Variants in FOXP2 observed in about 807,000 individuals in gnomAD.
FOXP2 encodes the protein forkhead box P2.
FOXP2 carries 12 observed loss-of-function variants against 115.8 expected under a neutral mutation model. The observed-to-expected ratio is 0.10, with a 90% confidence interval of 0.07 to 0.17. The LOEUF (loss-of-function observed/expected upper bound fraction) is 0.17, where lower values mean the gene tolerates loss of function less well. FOXP2 is among the 10% of genes least tolerant of loss of function. The pLI is 1.00. For missense variants in FOXP2, 629 were observed against 843.5 expected, an observed-to-expected ratio of 0.75 and a Z score of 3.15; for synonymous variants, 328 against 297.7, an observed-to-expected ratio of 1.10 and a Z score of -1.05.
At chr7:114,406,824 C>G (rs1489003100) in intron 2 of FOXP2, among the ~76,000 whole-genome samples, 2 of 151,990 alleles carry the variant, frequency 1.3e-5, no homozygotes, top group African/African-American at 4.8e-5. Flanking sequence ...CTCCCTCTCT[C>G]CCTAGCCTAA....
intron 16 of FOXP2, among the ~76,000 whole-genome samples, chr7:114,688,410 A>C (rs1226127522): frequency 6.6e-6 from 1 of 152,176 alleles, no homozygotes; most frequent in Non-Finnish European, 1.5e-5. Context: ...TTTGCAATGA[A>C]TATTAAAGCA....
intron 2 of FOXP2, among the ~76,000 whole-genome samples, chr7:114,342,678 T>G (rs1278158553): frequency 6.6e-6 from 1 of 151,468 alleles, no homozygotes; most frequent in Non-Finnish European, 1.5e-5. Flanking sequence ...TTCTGTCCAC[T>G]GTGGTTATTC....
chr7:114,161,430 G>A (rs953858292), upstream of FOXP2, among the ~76,000 whole-genome samples: 1 of 152,072 alleles, frequency 6.6e-6, no homozygotes, highest in African/African-American at 2.4e-5. Context: ...TCAGATAGAT[G>A]ATGGTTTAAA....
chr7:114,091,613 A>G (rs576024772), intron 1 of FOXP2, among the ~76,000 whole-genome samples: 3 of 151,976 alleles, frequency 2.0e-5, no homozygotes, highest in East Asian at 1.9e-4. Context: ...CATCACCTCA[A>G]TTTCATCTTT....
rs548381055 is a variant in FOXP2, at chr7:114,181,243, G to A, written c.-102+18155G>A. Among the ~76,000 whole-genome samples, 10 of 149,492 alleles carry A rather than the reference G, an allele frequency of 6.7e-5. No homozygotes were observed. The South Asian group carries it at 1.9e-3, about 29-fold the overall frequency. On this transcript the variant is annotated intron_variant, in intron 1 of 17. Transcript: ENST00000634411. ...TTCTAAAATTTCAAGCTTGGTAATTGTGTTTCTTTTAATGGATTTTATCCT... is the reference window on the plus strand; with the variant it reads ...TTCTAAAATTTCAAGCTTGGTAATTATGTTTCTTTTAATGGATTTTATCCT...
chr7:114,609,007 T>C (rs1217191265), intron 3 of FOXP2, among the ~76,000 whole-genome samples: 3 of 151,982 alleles, frequency 2.0e-5, no homozygotes, highest in Non-Finnish European at 4.4e-5. Context: ...GAGACCAGCC[T>C]GAGCAACATG....
At chr7:114,280,405 A>T (rs1431580141) in intron 1 of FOXP2, among the ~76,000 whole-genome samples, 1 of 151,972 alleles carries the variant, frequency 6.6e-6, no homozygotes, top group African/African-American at 2.4e-5. Flanking sequence ...CTCCCACAGG[A>T]TATTGGAAAT....
At chr7:114,492,582 A>C (rs544173638) in intron 2 of FOXP2, among the ~76,000 whole-genome samples, 14 of 151,826 alleles carry the variant, frequency 9.2e-5, no homozygotes, top group African/African-American at 3.1e-4. Flanking sequence ...CACTGCTTTG[A>C]ATGTGTCCCA....
At chr7:114,688,357 A>T (rs1808486016) in intron 16 of FOXP2, among the ~76,000 whole-genome samples, 1 of 152,010 alleles carries the variant, frequency 6.6e-6, no homozygotes. Flanking sequence ...CTAAAGCAAA[A>T]CAAAACCTAG....
At chr7:114,199,035 A>T (rs1268803887) in intron 1 of FOXP2, among the ~76,000 whole-genome samples, 1 of 152,174 alleles carries the variant, frequency 6.6e-6, no homozygotes, top group Non-Finnish European at 1.5e-5. Context: ...TGTTTTTTAG[A>T]TAAGGTCTTA....
At chr7:114,541,258 TGAATCCATGGTAGTA>T in intron 3 of FOXP2, among the ~76,000 whole-genome samples, 1 of 152,128 alleles carries the variant, frequency 6.6e-6, no homozygotes, top group African/African-American at 2.4e-5. Context: ...AAGTGATAGA[TGAATCCATGGTAGTA>T]GAGGAGATTT....
intron 2 of FOXP2, among the ~76,000 whole-genome samples, chr7:114,527,602 C>G (rs1798939938): frequency 6.6e-6 from 1 of 152,108 alleles, no homozygotes; most frequent in Non-Finnish European, 1.5e-5. Context: ...CACCCTCAAC[C>G]TAGAGCTCTG....
intron 2 of FOXP2, among the ~76,000 whole-genome samples, chr7:114,345,608 C>T (rs1040193418): frequency 1.6e-4 from 25 of 151,720 alleles, no homozygotes; most frequent in African/African-American, 6.0e-4. Flanking sequence ...GAAATCTATA[C>T]TTTATATGAT....
At chr7:114,371,722 G>A (rs1278407960) in intron 2 of FOXP2, among the ~76,000 whole-genome samples, 5 of 151,662 alleles carry the variant, frequency 3.3e-5, no homozygotes, top group African/African-American at 1.2e-4. Context: ...TTTTCTAACT[G>A]CCCCCAGTGT....
intron 2 of FOXP2, among the ~76,000 whole-genome samples, chr7:114,392,196 C>A (rs1402014899): frequency 6.6e-6 from 1 of 152,010 alleles, no homozygotes; most frequent in Non-Finnish European, 1.5e-5. Context: ...AGGATTTTGG[C>A]CAAAACAGAA....
chr7:114,169,835 A>G (rs1183844644), intron 1 of FOXP2, among the ~76,000 whole-genome samples: 1 of 152,152 alleles, frequency 6.6e-6, no homozygotes, highest in South Asian at 2.1e-4. Flanking sequence ...TGTTGTTCTC[A>G]TGATAGTGAA....
At chr7:114,527,647 T>C (rs1415220894) in intron 2 of FOXP2, among the ~76,000 whole-genome samples, 1 of 152,202 alleles carries the variant, frequency 6.6e-6, no homozygotes, top group African/African-American at 2.4e-5. Flanking sequence ...AAATCTTCTC[T>C]TGATTATTCT....
At chr7:114,567,335 T>C (rs1801076079) in intron 3 of FOXP2, among the ~76,000 whole-genome samples, 1 of 152,096 alleles carries the variant, frequency 6.6e-6, no homozygotes, top group Admixed American at 6.6e-5. Context: ...CTTATTATCC[T>C]CTGTCTAGAG....
chr7:114,130,030 C>G (rs1286865514), intron 1 of FOXP2, among the ~76,000 whole-genome samples: 1 of 152,076 alleles, frequency 6.6e-6, no homozygotes, highest in African/African-American at 2.4e-5. Flanking sequence ...TTTAAAAAGT[C>G]TGCCTGGGTG....
Sources: gnomAD v4.1 joint callset for allele counts (sites outside exome capture counted in the v4.1 genomes callset) on GRCh38, gnomAD v4.1.1 for gene constraint, MANE v1.5 for transcripts, NCBI Gene and HGNC (gene_info 2026-07-23, HGNC 2026-07-21) for gene names.